The following ACTA2 variants were observed in gnomAD, a reference collection of about 807,000 sequenced individuals.
ACTA2 encodes the protein actin, aortic smooth muscle.
In ACTA2, 12 loss-of-function variants were observed where a neutral mutation model predicts 39.5. The ratio of observed to expected loss-of-function variants is 0.30; its 90% CI spans 0.19 to 0.49. ACTA2 has a LOEUF of 0.49. Among genes scored for constraint, ACTA2 ranks in the 20% least tolerant of loss-of-function variants. The pLI, the probability that ACTA2 is intolerant of heterozygous loss-of-function variation, is 0.99. For synonymous variants in ACTA2, 158 were observed against 180.6 expected (o/e 0.88, Z 1.00); for missense variants, 236 against 498.8 (o/e 0.47, Z 5.02).
intron 1 of ACTA2, among the ~76,000 whole-genome samples, chr10:88,959,558 A>AAG (rs1398541029): frequency 3.9e-5 from 6 of 152,234 alleles, no homozygotes; most frequent in Admixed American, 2.0e-4. Context: ...TTCATATTAG[A>AAG]ATAGAAAAGT....
intron 1 of ACTA2, among the ~76,000 whole-genome samples, chr10:88,970,616 C>T (rs191926047): frequency 1.2e-3 from 181 of 152,250 alleles, no homozygotes; most frequent in African/African-American, 4.1e-3. Context: ...CATTAGAATT[C>T]CCCATTTATC....
intron 1 of ACTA2, among the ~76,000 whole-genome samples, chr10:88,969,124 AC>A (rs1403573565): frequency 1.3e-5 from 2 of 152,134 alleles, no homozygotes; most frequent in Non-Finnish European, 2.9e-5. Flanking sequence ...CAAGACAAAC[AC>A]TTTTATAAGT....
intron 6 of ACTA2, chr10:88,940,518 C>T (rs189698311): frequency 1.9e-5 from 3 of 156,702 alleles, no homozygotes; most frequent in East Asian, 1.9e-4. Flanking sequence ...TGTTCAGAAA[C>T]CTAAATGTTT....
intron 1 of ACTA2, among the ~76,000 whole-genome samples, chr10:88,971,357 G>A (rs1369536461): frequency 6.6e-6 from 1 of 152,218 alleles, no homozygotes; most frequent in African/African-American, 2.4e-5. Flanking sequence ...ACTTCATGCA[G>A]TATGTTTTGT....
At chr10:88,982,124 G>A (rs1450458603) in intron 1 of ACTA2, among the ~76,000 whole-genome samples, 2 of 152,212 alleles carry the variant, frequency 1.3e-5, no homozygotes, top group African/African-American at 4.8e-5. Flanking sequence ...TCAAACCCCA[G>A]CTCTACAGCT....
chr10:88,944,039 A>G (rs1845904201), intron 3 of ACTA2, 132 bp from the exon 4 acceptor site: 1 of 726,312 alleles, frequency 1.4e-6, no homozygotes, highest in South Asian at 1.7e-5. Flanking sequence ...GCATGTGTCC[A>G]TGGTTTTATA....
intron 1 of ACTA2, among the ~76,000 whole-genome samples, chr10:88,962,923 A>C: frequency 5.0e-4 from 1 of 2,008 alleles, no homozygotes; most frequent in African/African-American, 3.5e-3. Context: ...ATATATATAT[A>C]TATATATATA....
At chr10:88,974,101 C>T (rs532364167) in intron 1 of ACTA2, 1 of 152,250 alleles carries the variant, frequency 6.6e-6, no homozygotes, top group Admixed American at 6.5e-5. Context: ...TGTGCCCTGC[C>T]TCTGTTTTGT....
chr10:88,937,339 G>C (rs1257277874), intron 8 of ACTA2, among the ~76,000 whole-genome samples: 1 of 152,116 alleles, frequency 6.6e-6, no homozygotes, highest in Non-Finnish European at 1.5e-5. Flanking sequence ...CTGTGACATG[G>C]GTCAGAGGGT....
chr10:88,975,013 A>G (rs1278394296), intron 1 of ACTA2: 1 of 152,230 alleles, frequency 6.6e-6, no homozygotes, highest in Non-Finnish European at 1.5e-5. Flanking sequence ...TTGGAAATTC[A>G]GTTAGATGAT....
chr10:88,971,058 GATGGCACAAATA>G (rs1173524886), intron 1 of ACTA2, among the ~76,000 whole-genome samples: 15 of 152,180 alleles, frequency 9.9e-5, no homozygotes, highest in Non-Finnish European at 2.2e-4. Context: ...ATGATCTACA[GATGGCACAAATA>G]ATAGACATTT....
At chr10:88,976,371 C>T (rs754636603) in intron 1 of ACTA2, among the ~76,000 whole-genome samples, 3 of 151,970 alleles carry the variant, frequency 2.0e-5, no homozygotes, top group Non-Finnish European at 4.4e-5. Context: ...ATCACAAATG[C>T]CAGAGTAAAC....
chr10:88,957,183 T>C (rs966086733), upstream of ACTA2, among the ~76,000 whole-genome samples: 2 of 152,188 alleles, frequency 1.3e-5, no homozygotes, highest in African/African-American at 4.8e-5. Context: ...ACTAGGAAAG[T>C]GGAATAAACT....
chr10:88,955,737 A>AG (rs1846127803), upstream of ACTA2, among the ~76,000 whole-genome samples: 1 of 152,218 alleles, frequency 6.6e-6, no homozygotes, highest in Admixed American at 6.5e-5. Flanking sequence ...ATTAAATGTG[A>AG]GAAAAACCAT....
Position 88,976,227 on chromosome 10 carries a change from T to C in ACTA2, c.-24+14712A>G, listed in dbSNP as rs557768887. ...GCTAAAAAAAAAATCGCCAAAAATC[T>C]CATAATGTTTTAAGAAAGTTTACGA... On this transcript the variant is annotated intron_variant, in intron 1 of 4. Transcript: ENST00000415557. Among the ~76,000 whole-genome samples the C allele has an allele frequency of 9.4e-4, 143 of 152,208 alleles. 1 individual carries two copies. The highest frequency in any genetic ancestry group is 3.3e-3 in the African/African-American group (135 of 41,516).
At chr10:88,982,719 C>T (rs1326716931) in intron 1 of ACTA2, among the ~76,000 whole-genome samples, 3 of 152,058 alleles carry the variant, frequency 2.0e-5, no homozygotes. Context: ...AGACTTGTTT[C>T]TGCTAAGTAA....
chr10:88,939,367 TG>T, intron 7 of ACTA2, 139 bp downstream of exon 7: 1 of 1,102,216 alleles, frequency 9.1e-7, no homozygotes, highest in Non-Finnish European at 1.4e-6. Flanking sequence ...GCCTTGAAAA[TG>T]TGGCACTTTC....
chr10:88,954,522 C>G (rs1418332957), upstream of ACTA2, among the ~76,000 whole-genome samples: 1 of 152,130 alleles, frequency 6.6e-6, no homozygotes, highest in Non-Finnish European at 1.5e-5. Context: ...AGGAAGGATT[C>G]CCCTTCCTCC....
At chr10:88,953,910 A>G (rs1330163693), upstream of ACTA2, among the ~76,000 whole-genome samples, 1 of 152,162 alleles carries the variant, frequency 6.6e-6, no homozygotes, top group Non-Finnish European at 1.5e-5. Context: ...CAGAACTGTG[A>G]GTAAATTAAA....
Sources: allele counts gnomAD v4.1 joint callset (sites outside exome capture counted in the v4.1 genomes callset), GRCh38; gene constraint gnomAD v4.1.1; transcripts MANE v1.5; gene names NCBI Gene and HGNC (gene_info 2026-07-23, HGNC 2026-07-21).